The following DAB2IP variants were observed in gnomAD, a reference collection of about 807,000 sequenced individuals.
The protein encoded by DAB2IP is DAB2 interacting protein, also known as disabled homolog 2-interacting protein.
Under a neutral mutation model 107.2 loss-of-function variants are expected in DAB2IP, and 28 were observed. That is an observed-to-expected ratio of 0.26 (90% CI 0.19 to 0.36). DAB2IP has a LOEUF of 0.36. Among genes scored for constraint, DAB2IP ranks in the 10% least tolerant of loss-of-function variants. The pLI is 1.00. For synonymous variants in DAB2IP, 755 were observed against 706.4 expected, an observed-to-expected ratio of 1.07 and a Z score of -1.09; for missense variants, 1,400 against 1,644.7, an observed-to-expected ratio of 0.85 and a Z score of 2.57.
chr9:121,779,917 A>C (rs923246929), intron 14 of DAB2IP, among the ~76,000 whole-genome samples: 5 of 152,060 alleles, frequency 3.3e-5, no homozygotes, highest in African/African-American at 7.2e-5. Context: ...TGTCTCCTCA[A>C]CTCAGTGAGG....
chr9:121,750,124 GA>G (rs1832999515), intron 3 of DAB2IP, among the ~76,000 whole-genome samples: 1 of 152,204 alleles, frequency 6.6e-6, no homozygotes, highest in African/African-American at 2.4e-5. Context: ...AACCCATGAG[GA>G]AGGTGTGTCG....
In DAB2IP at chr9:121,776,416, GGCCACAGGCACAGGCAGGGC is replaced by G. The variant is rs1564231833; in HGVS notation, c.3314+26_3314+45del. On this transcript the variant is annotated intron_variant, in intron 14 of 15. Transcript: ENST00000408936. This position sits in a 1 kb window ranked among gnomAD's most constrained non-coding sequence, Gnocchi z 5.4. ...GGTGGGGCCCACACCTGCCTGGCCT[GGCCACAGGCACAGGCAGGGC>G]AGCCATCGCTGCCTTCGAGGAGGCC... is the stretch of plus-strand genomic sequence containing the variant. The G allele has an allele frequency of 6.7e-7, 1 of 1,497,962 alleles. No homozygotes were observed. The highest frequency in any genetic ancestry group is 2.5e-5 in the East Asian group (1 of 40,426). 92.8% of individuals were successfully genotyped at this position (1,497,962 alleles called of 1,614,324 possible). A position where few individuals can be genotyped will look rare whatever the true frequency, so the allele number is the denominator to read the frequency against.
At chr9:121,745,330 A>G (rs1344057939) in intron 3 of DAB2IP, among the ~76,000 whole-genome samples, 1 of 152,120 alleles carries the variant, frequency 6.6e-6, no homozygotes, top group East Asian at 1.9e-4. Flanking sequence ...CTCAGCAGCC[A>G]CACTCCTGGT....
chr9:121,676,617 G>A (rs748365186), intron 1 of DAB2IP, among the ~76,000 whole-genome samples: 4 of 141,674 alleles, frequency 2.8e-5, no homozygotes, highest in Admixed American at 6.8e-5. Context: ...AGGCGTAGGT[G>A]TTAGGAGTTC....
chr9:121,749,419 A>G (rs1832951607), intron 3 of DAB2IP, among the ~76,000 whole-genome samples: 1 of 152,206 alleles, frequency 6.6e-6, no homozygotes, highest in Admixed American at 6.5e-5. Flanking sequence ...TTCTGACCTG[A>G]TGAGGCCTAG....
At chr9:121,614,979 G>A (rs997434181) in intron 1 of DAB2IP, among the ~76,000 whole-genome samples, 4 of 150,686 alleles carry the variant, frequency 2.7e-5, no homozygotes, top group Non-Finnish European at 4.4e-5. Context: ...GGTGATCCAC[G>A]AGCCTCGGCC....
At chr9:121,613,641 G>T (rs545873180) in intron 1 of DAB2IP, among the ~76,000 whole-genome samples, 8 of 152,292 alleles carry the variant, frequency 5.3e-5, no homozygotes, top group Admixed American at 3.9e-4. Context: ...TCTTGTCGAG[G>T]ATGTTGATGT....
chr9:121,676,063 G>A (rs2119129040), intron 1 of DAB2IP, among the ~76,000 whole-genome samples: 1 of 152,342 alleles, frequency 6.6e-6, no homozygotes, highest in Admixed American at 6.5e-5. Flanking sequence ...CATGTGGGAA[G>A]GGAGCTTTTC....
chr9:121,616,644 G>A (rs1325020316), intron 1 of DAB2IP, among the ~76,000 whole-genome samples: 2 of 152,202 alleles, frequency 1.3e-5, no homozygotes, highest in Non-Finnish European at 2.9e-5. Context: ...GAACTGGGGC[G>A]GGTTTGCTGA....
chr9:121,775,218 C>T (rs934256313), intron 13 of DAB2IP, among the ~76,000 whole-genome samples: 6 of 152,314 alleles, frequency 3.9e-5, no homozygotes, highest in South Asian at 4.1e-4. Context: ...TGGATGCTCT[C>T]GCCCCGCTGG....
At chr9:121,720,082 A>C (rs1589578322) in intron 3 of DAB2IP, among the ~76,000 whole-genome samples, 1 of 152,224 alleles carries the variant, frequency 6.6e-6, no homozygotes. Flanking sequence ...GTAGGATGCC[A>C]GGCAGCCTAC....
At chr9:121,738,503 G>T (rs1396763731) in intron 3 of DAB2IP, among the ~76,000 whole-genome samples, 4 of 152,096 alleles carry the variant, frequency 2.6e-5, no homozygotes, top group Admixed American at 1.3e-4. Flanking sequence ...CTCCTCCCTA[G>T]ATCTGGGAGG....
At chr9:121,719,277 G>C (rs1024715572) in intron 3 of DAB2IP, among the ~76,000 whole-genome samples, 13 of 152,228 alleles carry the variant, frequency 8.5e-5, no homozygotes, top group African/African-American at 2.7e-4. Flanking sequence ...ACCCTGGCCT[G>C]CTGCTTCTGT....
intron 3 of DAB2IP, among the ~76,000 whole-genome samples, chr9:121,711,997 C>T (rs1564172946): frequency 6.6e-6 from 1 of 152,248 alleles, no homozygotes; most frequent in African/African-American, 2.4e-5. Flanking sequence ...TGCACCGTCT[C>T]CTGAATAATT....
intron 3 of DAB2IP, chr9:121,753,155 C>T (rs1833244205): frequency 6.6e-6 from 1 of 152,306 alleles, no homozygotes; most frequent in South Asian, 2.1e-4. Flanking sequence ...GTGTGGAGTC[C>T]ACGCCCTGGT....
intron 1 of DAB2IP, among the ~76,000 whole-genome samples, chr9:121,580,334 A>AGTGGGAAG (rs937459243): frequency 6.6e-6 from 1 of 152,222 alleles, no homozygotes; most frequent in African/African-American, 2.4e-5. Flanking sequence ...CCCAGGGTGG[A>AGTGGGAAG]GAGACCTCTA....
chr9:121,654,773 G>T (rs905919620), intron 1 of DAB2IP, among the ~76,000 whole-genome samples: 1 of 152,208 alleles, frequency 6.6e-6, no homozygotes, highest in Non-Finnish European at 1.5e-5. Context: ...TGGTAGCATC[G>T]GACCTCAGAG....
intron 1 of DAB2IP, among the ~76,000 whole-genome samples, chr9:121,584,983 C>T (rs967846383): frequency 2.6e-5 from 4 of 152,190 alleles, no homozygotes; most frequent in African/African-American, 9.7e-5. Flanking sequence ...TAGCCAACTA[C>T]AGCCTTCAAC....
At chr9:121,695,548 G>A (rs1829376703) in intron 2 of DAB2IP, among the ~76,000 whole-genome samples, 2 of 152,226 alleles carry the variant, frequency 1.3e-5, no homozygotes, top group African/African-American at 2.4e-5. Flanking sequence ...GAGGCCAAGC[G>A]ATGTGAGGGG....
Sources: allele counts gnomAD v4.1 joint callset (sites outside exome capture counted in the v4.1 genomes callset), GRCh38; gene constraint gnomAD v4.1.1; non-coding constraint Gnocchi (gnomAD v3.1); transcripts MANE v1.5; gene names NCBI Gene and HGNC (gene_info 2026-07-23, HGNC 2026-07-21).